APOC1: variants seen among roughly 807,000 people sequenced by gnomAD.
APOC1 encodes apolipoprotein C1, also known as apolipoprotein C-I.
APOC1 carries 4 observed loss-of-function variants against 6.7 expected under a neutral mutation model. The ratio of observed to expected loss-of-function variants is 0.60; its 90% CI spans 0.29 to 1.37. APOC1 has a LOEUF of 1.37. Among genes scored for constraint, APOC1 ranks in the 40% most tolerant of loss-of-function variants. The pLI is 0.09. For missense variants in APOC1, 122 were observed against 99.4 expected (o/e 1.23, Z -0.97); for synonymous variants, 33 against 40.6 (o/e 0.81, Z 0.72).
chr19:44,914,536 C>A, upstream of APOC1: 1 of 268,598 alleles, frequency 3.7e-6, no homozygotes, highest in Non-Finnish European at 7.3e-6. Flanking sequence ...GGGAAGTGCC[C>A]GGGACCCCAC....
chr19:44,915,541 G>T (rs1045399297), intron 2 of APOC1, among the ~76,000 whole-genome samples: 6 of 150,952 alleles, frequency 4.0e-5, no homozygotes, highest in Admixed American at 1.3e-4. Context: ...TTTGTGATCC[G>T]CCTGCCTCGA....
chr19:44,915,704 T>C (rs3826688), intron 2 of APOC1, among the ~76,000 whole-genome samples: 101,101 of 150,680 alleles, frequency 0.67, 35,180 homozygotes, highest in African/African-American at 0.85. Flanking sequence ...GGGTGGCTCA[T>C]GCCTGTAATC....
At chr19:44,914,850 G>A in intron 1 of APOC1, 22 bp from the exon 2 acceptor site, 1 of 1,606,782 alleles carries the variant, frequency 6.2e-7, no homozygotes, top group South Asian at 1.1e-5. Context: ...CTGATCCCCT[G>A]AACCCCTGCC....
chr19:44,917,590 AAAGAAAAGAG>A (rs1229684517), intron 3 of APOC1, among the ~76,000 whole-genome samples: 393 of 151,818 alleles, frequency 2.6e-3, no homozygotes, highest in African/African-American at 7.2e-3. Context: ...CAAAAAAAGA[AAAGAAAAGAG>A]AAGAAAAGAG....
chr19:44,916,888 G>A (rs144417146), intron 3 of APOC1, among the ~76,000 whole-genome samples: 64 of 150,390 alleles, frequency 4.3e-4, no homozygotes, highest in African/African-American at 1.3e-3. Flanking sequence ...CCAGCACTAT[G>A]GGAGGCTGAG....
intron 3 of APOC1, 83 bp downstream of exon 3, chr19:44,916,408 G>T: frequency 6.6e-7 from 1 of 1,510,814 alleles, no homozygotes; most frequent in African/African-American, 1.4e-5. Flanking sequence ...TGAACAGATT[G>T]AAAAAAAAAC....
rs1186887650 is a variant in APOC1 at position 44,915,458 on chromosome 19, C to T, written c.58+509C>T. ...CCTGCCTCAGCAGGACTACAGGCGC[C>T]CGCCACCGCGCCCGGCTAATTTTTT... On this transcript the variant is annotated intron_variant, in intron 2 of 3. Transcript: ENST00000592535. Among the ~76,000 whole-genome samples the T allele has an allele frequency of 2.0e-5, 3 of 151,556 alleles. No individual in the cohort carries two copies. The East Asian group carries it at 5.9e-4, about 30-fold the overall frequency.
chr19:44,918,503 A>G (rs1970047498), intron 3 of APOC1, among the ~76,000 whole-genome samples: 1 of 150,750 alleles, frequency 6.6e-6, no homozygotes, highest in African/African-American at 2.4e-5. Flanking sequence ...CTGGGACTAC[A>G]GGCACCTGCC....
rs1970061701 is a variant in APOC1, at chr19:44,919,322, C to T, written c.*92C>T. Reference sequence around the variant, plus strand: ...GACTCCCTCCATGTGGCCCCAGGTGCCACCAATAAAAATCCTACAGAAAAT... The same window carrying T: ...GACTCCCTCCATGTGGCCCCAGGTGTCACCAATAAAAATCCTACAGAAAAT... On this transcript the variant is annotated 3_prime_UTR_variant, in exon 4 of 4. Coordinates refer to ENST00000592535, the MANE Select transcript of APOC1 (RefSeq NM_001645.5). 4 of 1,142,408 alleles carry T rather than the reference C, an allele frequency of 3.5e-6. No homozygotes were observed. Among genetic ancestry groups the T allele is most frequent in the South Asian group, 2.6e-5 (2 of 77,832 alleles). The allele number at this position is 1,142,408 out of a possible 1,614,324, so 70.8% of individuals were successfully genotyped here. A position where few individuals can be genotyped will look rare whatever the true frequency, so the allele number is the denominator to read the frequency against.
chr19:44,916,153 A>AC (rs1568622166), intron 2 of APOC1, 37 bp from the exon 3 acceptor site: 32 of 1,525,754 alleles, frequency 2.1e-5, no homozygotes, highest in South Asian at 7.4e-5. Context: ...AAAAAAAAAA[A>AC]AAACAAATTT....
intron 3 of APOC1, among the ~76,000 whole-genome samples, chr19:44,918,337 CTTTTT>C (rs1200008263): frequency 7.7e-5 from 7 of 90,348 alleles, no homozygotes; most frequent in African/African-American, 1.7e-4. Context: ...TGAAGTGTTT[CTTTTT>C]TTTTTTTTTT....
chr19:44,915,076 T>A (rs1237566984), intron 2 of APOC1, 127 bp downstream of exon 2: 1 of 1,032,772 alleles, frequency 9.7e-7, no homozygotes, highest in South Asian at 1.4e-5. Context: ...GGTTGCCTCA[T>A]CGTGGTCGGG....
chr19:44,916,833 A>C lies in APOC1; in HGVS notation c.194+508A>C, dbSNP rs980897272. 3.3e-5 allele frequency among the ~76,000 whole-genome samples: 5 copies of C among 149,406 alleles called. No individual in the cohort carries two copies. In the East Asian group the frequency reaches 9.8e-4, roughly 29 times the overall value. ...TCAAAAAAAAAAAAAAAAAAAAAAA[A>C]AACAAGATGGTCTTGCCCAGGTATG... On this transcript the variant is annotated intron_variant, in intron 3 of 3. Transcript: ENST00000592535.
chr19:44,915,526 C>A (rs1969988884), intron 2 of APOC1, among the ~76,000 whole-genome samples: 1 of 150,852 alleles, frequency 6.6e-6, no homozygotes. Flanking sequence ...TCTCGATCTC[C>A]TGACTTTGTG....
intron 2 of APOC1, 47 bp from the exon 3 acceptor site, chr19:44,916,143 A>AAAAAAAC: frequency 6.7e-7 from 1 of 1,482,604 alleles, no homozygotes; most frequent in Non-Finnish European, 9.0e-7. Context: ...TCTCCAAAAA[A>AAAAAAAC]AAAAAAAAAA....
chr19:44,914,817 G>C, intron 1 of APOC1, 55 bp from the exon 2 acceptor site: 1 of 1,439,510 alleles, frequency 6.9e-7, no homozygotes, highest in South Asian at 1.2e-5. Context: ...GTGGGAGGGA[G>C]GTAGGGAGGG....
intron 2 of APOC1, among the ~76,000 whole-genome samples, chr19:44,915,901 G>A (rs1041349821): frequency 4.6e-5 from 7 of 151,850 alleles, no homozygotes; most frequent in Middle Eastern, 3.4e-3. Flanking sequence ...CCCGGGAGGC[G>A]GAGGTTGCAG....
chr19:44,914,750 TG>T lies in APOC1; in HGVS notation c.-21+20del. On this transcript the variant is annotated intron_variant, in intron 1 of 3. Coordinates refer to ENST00000592535, the MANE Select transcript of APOC1 (RefSeq NM_001645.5). ...AGGATTCAGGTTGGTGCTGAGTGCC[TG>T]GGAGGGACACCCGCCTACACTCTGC... The T allele has an allele frequency of 1.2e-6, 1 of 816,990 alleles. No individual in the cohort carries two copies. Among genetic ancestry groups the T allele is most frequent in the South Asian group, 1.6e-5 (1 of 63,700 alleles). The allele number at this position is 816,990 out of a possible 1,614,324, so 50.6% of individuals were successfully genotyped here.
Position 44,917,451 on chromosome 19 carries a change from G to A in APOC1, c.194+1126G>A, listed in dbSNP as rs1970029175. On this transcript the variant is annotated intron_variant, in intron 3 of 3. Coordinates refer to ENST00000592535, the MANE Select transcript of APOC1 (RefSeq NM_001645.5). Reference sequence around the variant, plus strand: ...AAATTAGCTGGGCATGGTGGCCCATGCCTGTAGTCCCAGCTCCTTGGGAGG... The same window carrying A: ...AAATTAGCTGGGCATGGTGGCCCATACCTGTAGTCCCAGCTCCTTGGGAGG... 2.6e-5 allele frequency among the ~76,000 whole-genome samples: 4 copies of A among 151,856 alleles called. No homozygotes were observed. The South Asian group carries it at 8.3e-4, about 32-fold the overall frequency.
Sources: gnomAD v4.1 joint callset for allele counts (sites outside exome capture counted in the v4.1 genomes callset) on GRCh38, gnomAD v4.1.1 for gene constraint, MANE v1.5 for transcripts, NCBI Gene and HGNC (gene_info 2026-07-23, HGNC 2026-07-21) for gene names.